The following TASP1 variants were observed in gnomAD, a reference collection of about 807,000 sequenced individuals.
The protein encoded by TASP1 is threonine aspartase 1.
TASP1 carries 16 observed loss-of-function variants against 56.6 expected under a neutral mutation model. That is an observed-to-expected ratio of 0.28 (90% CI 0.19 to 0.43). The LOEUF (loss-of-function observed/expected upper bound fraction) is 0.43, where lower values mean the gene tolerates loss of function less well. TASP1 is among the 20% of genes least tolerant of loss of function. The pLI, the probability that TASP1 is intolerant of heterozygous loss-of-function variation, is 1.00. For synonymous variants in TASP1, 179 were observed against 184.2 expected, an observed-to-expected ratio of 0.97 and a Z score of 0.23; for missense variants, 393 against 511.6, an observed-to-expected ratio of 0.77 and a Z score of 2.24.
intron 6 of TASP1, among the ~76,000 whole-genome samples, chr20:13,580,174 A>G (rs1361402399): frequency 6.6e-6 from 1 of 152,270 alleles, no homozygotes; most frequent in Non-Finnish European, 1.5e-5. Context: ...GGCCAGGCAC[A>G]GCGGCTCATG....
chr20:13,299,627 G>A, the TASP1 span: 4 of 689,022 alleles, frequency 5.8e-6, no homozygotes, highest in South Asian at 2.3e-5. The surrounding 1 kb of genome is among the most constrained non-coding windows in gnomAD (Gnocchi z 5.8). Flanking sequence ...CACGCCCAGG[G>A]GACTGCCTTG....
At position 13,422,267 on chromosome 20, in the gene TASP1, T is replaced by C. The variant is rs186762882; in HGVS notation, c.1097-4746A>G. ...ACTTATTTATTTAGAAATAATTATATGCATAAACACTAGCCAAGAAGGGTT... is the reference window on the plus strand; with the variant it reads ...ACTTATTTATTTAGAAATAATTATACGCATAAACACTAGCCAAGAAGGGTT... On this transcript the variant is annotated intron_variant, in intron 12 of 13. Coordinates refer to ENST00000337743, the MANE Select transcript of TASP1 (RefSeq NM_017714.3). Among the ~76,000 whole-genome samples the C allele has an allele frequency of 4.3e-3, 658 of 152,324 alleles. 3 individuals carry two copies. Among genetic ancestry groups the C allele is most frequent in the Non-Finnish European group, 6.1e-3 (417 of 68,022 alleles).
chr20:13,471,507 T>A (rs6109901), intron 11 of TASP1, among the ~76,000 whole-genome samples: 8,920 of 152,198 alleles, frequency 0.059, 368 homozygotes, highest in African/African-American at 0.12. Flanking sequence ...TTTCCCCACA[T>A]CTGTCACATT....
At chr20:13,214,812 G>A in the TASP1 span, among the ~76,000 whole-genome samples, 1 of 152,248 alleles carries the variant, frequency 6.6e-6, no homozygotes, top group Admixed American at 6.5e-5. Flanking sequence ...AACTACAGAT[G>A]TTCATTCAAT....
the TASP1 span, among the ~76,000 whole-genome samples, chr20:13,257,099 G>C: frequency 6.6e-6 from 1 of 152,194 alleles, no homozygotes; most frequent in Non-Finnish European, 1.5e-5. Flanking sequence ...TGGTGAGAAA[G>C]CTCGAGCCAC....
At chr20:13,158,465 T>C in the TASP1 span, among the ~76,000 whole-genome samples, 1 of 152,160 alleles carries the variant, frequency 6.6e-6, no homozygotes, top group Non-Finnish European at 1.5e-5. Flanking sequence ...ATGCAGACAG[T>C]GAAAGCGGTC....
the TASP1 span, among the ~76,000 whole-genome samples, chr20:13,359,668 A>T: frequency 7.3e-4 from 107 of 145,704 alleles, no homozygotes; most frequent in Non-Finnish European, 1.2e-3. Flanking sequence ...AACTTAGACA[A>T]TACTCTTTTA....
chr20:13,486,166 G>T (rs1489470450), intron 10 of TASP1, among the ~76,000 whole-genome samples: 1 of 152,036 alleles, frequency 6.6e-6, no homozygotes, highest in Non-Finnish European at 1.5e-5. Context: ...AAATTCCAAG[G>T]TTTCTTAGAA....
chr20:13,569,525 G>A lies in TASP1; in HGVS notation c.550C>T (p.Pro184Ser). ...AVDHGIPSCPPNIMTTRFSLA... is the reference protein window; with the variant it reads ...AVDHGIPSCPSNIMTTRFSLA... ...TACTCACTTGTGGTCATGATGTTAG[G>A]AGGGCAAGAGGGTATTCCATGATCT... The change falls in exon 7 of 14, where the codon CCT becomes TCT. Residue 184 changes from proline to serine, a missense_variant. This residue lies in a region of TASP1 where 293 missense variants were observed against 354.2 expected (regional missense o/e 0.83). Coordinates refer to ENST00000337743, the MANE Select transcript of TASP1 (RefSeq NM_017714.3). The A allele has an allele frequency of 6.2e-7, 1 of 1,612,120 alleles. No homozygotes were observed. The highest frequency in any genetic ancestry group is 2.2e-5 in the East Asian group (1 of 44,768).
At chr20:13,220,571 G>A in the TASP1 span, among the ~76,000 whole-genome samples, 1 of 152,234 alleles carries the variant, frequency 6.6e-6, no homozygotes, top group African/African-American at 2.4e-5. Context: ...CTGAGCCGCG[G>A]GCACTGCGTC....
chr20:13,399,646 C>T (rs1448580205), intron 13 of TASP1, among the ~76,000 whole-genome samples: 1 of 152,172 alleles, frequency 6.6e-6, no homozygotes, highest in Non-Finnish European at 1.5e-5. Flanking sequence ...GTGGATAATG[C>T]TCTAGTCCAA....
rs146307900 is a variant in TASP1 at position 13,474,783 on chromosome 20, C to T, written c.985+8444G>A. Among the ~76,000 whole-genome samples, 646 of 152,292 alleles carry T rather than the reference C, an allele frequency of 4.2e-3. 1 individual carries two copies. The highest frequency in any genetic ancestry group is 0.017 in the Middle Eastern group (5 of 294). On this transcript the variant is annotated intron_variant, in intron 11 of 13. Coordinates refer to ENST00000337743, the MANE Select transcript of TASP1 (RefSeq NM_017714.3). ...TAAAAGTGTTCTCTTTACATTACAT[C>T]CATGCCAACATTTATTGTTTTTTGA...
intron 4 of TASP1, among the ~76,000 whole-genome samples, chr20:13,602,104 C>G (rs2047984411): frequency 6.6e-6 from 1 of 151,890 alleles, no homozygotes; most frequent in South Asian, 2.1e-4. Context: ...TGGTCGTGAT[C>G]TCCTGACCTC....
intron 10 of TASP1, among the ~76,000 whole-genome samples, chr20:13,508,140 C>A (rs563837890): frequency 1.3e-5 from 2 of 151,378 alleles, no homozygotes; most frequent in African/African-American, 4.8e-5. Flanking sequence ...GAGTAAAACT[C>A]CTAGAAGAAA....
At chr20:13,306,573 A>AAAAAAAAAAAAAAAAG in the TASP1 span, among the ~76,000 whole-genome samples, 1 of 148,662 alleles carries the variant, frequency 6.7e-6, no homozygotes, top group Admixed American at 6.6e-5. Context: ...ACAAAAAAAA[A>AAAAAAAAAAAAAAAAG]AAAAAAAAAA....
the TASP1 span, among the ~76,000 whole-genome samples, chr20:13,133,374 T>C: frequency 1.3e-5 from 2 of 151,804 alleles, no homozygotes; most frequent in African/African-American, 2.4e-5. Context: ...AATGACCCTG[T>C]AGTCACTCTT....
At chr20:13,267,671 A>G in the TASP1 span, among the ~76,000 whole-genome samples, 5 of 152,182 alleles carry the variant, frequency 3.3e-5, no homozygotes, top group Admixed American at 6.5e-5. Flanking sequence ...CAATCAATCA[A>G]TCAGACTTAG....
At chr20:13,588,311 G>A (rs1403485227) in intron 4 of TASP1, among the ~76,000 whole-genome samples, 31 of 92,252 alleles carry the variant, frequency 3.4e-4, no homozygotes, top group African/African-American at 1.1e-3. Context: ...GGAAGGAAGA[G>A]AAAGAAAAGG....
At chr20:13,271,458 A>T in the TASP1 span, among the ~76,000 whole-genome samples, 16 of 152,186 alleles carry the variant, frequency 1.1e-4, no homozygotes, top group Non-Finnish European at 1.9e-4. Context: ...TACAAAGCAA[A>T]TGTTGATCGG....
Sources: allele counts gnomAD v4.1 joint callset (sites outside exome capture counted in the v4.1 genomes callset), GRCh38; gene constraint gnomAD v4.1.1; regional missense constraint gnomAD v4.1.1; non-coding constraint Gnocchi (gnomAD v3.1); transcripts MANE v1.5; gene names NCBI Gene and HGNC (gene_info 2026-07-23, HGNC 2026-07-21).